The following DMRTB1 variants were observed in gnomAD, a reference collection of about 807,000 sequenced individuals.
DMRTB1 encodes doublesex- and mab-3-related transcription factor B1.
A neutral mutation model predicts 25.2 loss-of-function variants in DMRTB1; 9 were observed. The observed-to-expected ratio is 0.36, with a 90% CI of 0.22 to 0.62. The LOEUF (loss-of-function observed/expected upper bound fraction) is 0.62, where lower values mean the gene tolerates loss of function less well. Among genes scored for constraint, DMRTB1 ranks in the 20% least tolerant of loss-of-function variants. The pLI is 0.71. For synonymous variants in DMRTB1, 269 were observed against 238.1 expected, an observed-to-expected ratio of 1.13 and a Z score of -1.20; for missense variants, 551 against 499.3, an observed-to-expected ratio of 1.10 and a Z score of -0.99.
chr1:53,459,831 C>A lies in DMRTB1; in HGVS notation c.378C>A (p.Gly126=). 6.8e-7 allele frequency: 1 copy of A among 1,470,310 alleles called. No homozygotes were observed. Among genetic ancestry groups the A allele is most frequent in the Non-Finnish European group, 8.9e-7 (1 of 1,119,300 alleles). 91.1% of individuals were successfully genotyped at this position (1,470,310 alleles called of 1,614,324 possible). The stretch of plus-strand genomic sequence containing the variant: ...GCTTCTTCGAGCAGCCCCCGCGGGG[C>A]CGGAACCCCGGCCCGAGAGCCCTCC... ...AACFFEQPPR[G]RNPGPRALQP... The change falls in exon 1 of 4, where the codon GGC becomes GGA. Residue 126 remains glycine (G), a synonymous_variant. Transcript: ENST00000371445.
Position 53,459,436 on chromosome 1 carries a change from C to T in DMRTB1, c.-18C>T. ...GCTCCCAGAGGTGGTGGTTGTGTTA[C>T]GAAGGCTGACCCTGCCAATGGCCGA... On this transcript the variant is annotated 5_prime_UTR_variant, in exon 1 of 4. The change creates a new upstream start codon in the 5' untranslated region. Transcript: ENST00000371445. 7 of 1,612,802 alleles carry T rather than the reference C, an allele frequency of 4.3e-6. No homozygotes were observed. The highest frequency in any genetic ancestry group is 5.1e-6 in the Non-Finnish European group (6 of 1,179,942).
In DMRTB1 at chr1:53,461,579, T is replaced by C. The variant is rs368732858; in HGVS notation, c.684T>C (p.Pro228=). 1.1e-5 allele frequency: 18 copies of C among 1,611,102 alleles called. No homozygotes were observed. The African/African-American group carries it at 2.3e-4, about 20-fold the overall frequency. ...TCCCGCTGGGCTACCTGGACGCCCC[T>C]CCTGGCGTCCCCCTGCAGCAGGGCT... ...CPFPLGYLDA[P]PGVPLQQGFR... is the part of the protein sequence containing the mutation. Residue 228 remains proline, a synonymous_variant, in exon 2 of 4, where the codon CCT becomes CCC. Transcript: ENST00000371445.
chr1:53,460,070 T>TGGCAGCCCAG, intron 1 of DMRTB1, 40 bp downstream of exon 1: 2 of 1,517,720 alleles, frequency 1.3e-6, no homozygotes, highest in Non-Finnish European at 1.8e-6. Context: ...CTCCCGGAGC[T>TGGCAGCCCAG]GGCAGCCCAG....
In DMRTB1 at chr1:53,466,782, G is replaced by A; in HGVS notation, c.*120G>A. 1.0e-6 allele frequency: 1 copy of A among 988,548 alleles called. No homozygotes were observed. Among genetic ancestry groups the A allele is most frequent in the Non-Finnish European group, 1.6e-6 (1 of 636,484 alleles). The allele number at this position is 988,548 out of a possible 1,614,324, so 61.2% of individuals were successfully genotyped here. ...GAGGTTGATAGCATAGATGGCAACTGATTCCCAGTTTAAGATAGGAGGAAG... is the reference window on the plus strand; with the variant it reads ...GAGGTTGATAGCATAGATGGCAACTAATTCCCAGTTTAAGATAGGAGGAAG... On this transcript the variant is annotated 3_prime_UTR_variant, in exon 4 of 4. Coordinates refer to ENST00000371445, the MANE Select transcript of DMRTB1 (RefSeq NM_033067.3).
intron 2 of DMRTB1, among the ~76,000 whole-genome samples, chr1:53,464,219 CA>C (rs1218795005): frequency 2.0e-5 from 3 of 152,180 alleles, no homozygotes; most frequent in African/African-American, 7.2e-5. Flanking sequence ...GCTATGGAGT[CA>C]GCCAACTTGG....
rs1453823079 is a variant in DMRTB1 at position 53,459,775 on chromosome 1, G to A, written c.322G>A (p.Asp108Asn). The change falls in exon 1 of 4, where the codon GAC (aspartate) becomes AAC (asparagine). Residue 108 changes from aspartate to asparagine, a missense_variant. Transcript: ENST00000371445. ...CCCGGGGACTCCCTCCGGAGACGCC[G>A]ACCCGGGACCCGAGGGCCGCGCGGC... is the stretch of plus-strand genomic sequence containing the variant. ...LSPGTPSGDA[D>N]PGPEGRAAAC... 6 of 1,378,962 alleles carry A rather than the reference G, an allele frequency of 4.4e-6. No individual in the cohort carries two copies. The highest frequency in any genetic ancestry group is 3.1e-5 in the African/African-American group (2 of 64,508). The allele number at this position is 1,378,962 out of a possible 1,614,324, so 85.4% of individuals were successfully genotyped here.
In DMRTB1 at chr1:53,459,861, G is replaced by T; in HGVS notation, c.408G>T (p.Pro136=). 1 of 1,499,328 alleles carries T rather than the reference G, an allele frequency of 6.7e-7. No homozygotes were observed. The highest frequency in any genetic ancestry group is 8.8e-7 in the Non-Finnish European group (1 of 1,133,042). 92.9% of individuals were successfully genotyped at this position (1,499,328 alleles called of 1,614,324 possible). A position where few individuals can be genotyped will look rare whatever the true frequency, so the allele number is the denominator to read the frequency against. Residue 136 remains proline (P), a synonymous_variant, in exon 1 of 4, where the codon CCG becomes CCT. Coordinates refer to ENST00000371445, the MANE Select transcript of DMRTB1 (RefSeq NM_033067.3). ...ACCCCGGCCCGAGAGCCCTCCAGCC[G>T]GTTCTGGGCGGCCGCAGCCACGTGG... ...GRNPGPRALQ[P]VLGGRSHVEP...
intron 2 of DMRTB1, 88 bp from the exon 3 acceptor site, chr1:53,464,549 C>T (rs1644039668): frequency 6.2e-7 from 1 of 1,601,716 alleles, no homozygotes. Flanking sequence ...ATCAGGAGCC[C>T]CCCACTTCAG....
At position 53,459,828 on chromosome 1, in the gene DMRTB1, G is replaced by C; in HGVS notation, c.375G>C (p.Arg125=). The C allele has an allele frequency of 1.4e-6, 2 of 1,466,396 alleles. No homozygotes were observed. The highest frequency in any genetic ancestry group is 1.8e-6 in the Non-Finnish European group (2 of 1,117,542). 90.8% of individuals were successfully genotyped at this position (1,466,396 alleles called of 1,614,324 possible). A position where few individuals can be genotyped will look rare whatever the true frequency, so the allele number is the denominator to read the frequency against. Residue 125 remains arginine (R), a synonymous_variant, in exon 1 of 4, where the codon CGG becomes CGC. Transcript: ENST00000371445. The stretch of plus-strand genomic sequence containing the variant: ...CTTGCTTCTTCGAGCAGCCCCCGCG[G>C]GGCCGGAACCCCGGCCCGAGAGCCC... The part of the protein sequence containing the change: ...AAACFFEQPP[R]GRNPGPRALQ...
chr1:53,466,237 C>T (rs2100640366), intron 3 of DMRTB1, among the ~76,000 whole-genome samples: 1 of 152,294 alleles, frequency 6.6e-6, no homozygotes, highest in East Asian at 1.9e-4. Flanking sequence ...CACCTGTGAT[C>T]CCAGCACTTT....
chr1:53,460,216 A>T, intron 1 of DMRTB1, 186 bp downstream of exon 1: 2 of 808,518 alleles, frequency 2.5e-6, no homozygotes, highest in South Asian at 4.0e-5. Flanking sequence ...AAAGGAAACG[A>T]GAAACAGAAA....
At chr1:53,463,439 A>G (rs913972606) in intron 2 of DMRTB1, among the ~76,000 whole-genome samples, 1 of 152,212 alleles carries the variant, frequency 6.6e-6, no homozygotes, top group Admixed American at 6.5e-5. Flanking sequence ...ACCTCTGAGG[A>G]CCTCACTCGG....
intron 3 of DMRTB1, among the ~76,000 whole-genome samples, chr1:53,466,391 C>T (rs1288636): frequency 0.091 from 13,775 of 151,956 alleles, 1,211 homozygotes; most frequent in African/African-American, 0.23. Flanking sequence ...CTCAGGAGGC[C>T]GAGGCAGGAG....
In DMRTB1 at chr1:53,459,832, C is replaced by G. The variant is rs1342329875; in HGVS notation, c.379C>G (p.Arg127Gly). The part of the protein sequence containing the change: ...ACFFEQPPRG[R>G]NPGPRALQPV... ...CTTCTTCGAGCAGCCCCCGCGGGGC[C>G]GGAACCCCGGCCCGAGAGCCCTCCA... The change falls in exon 1 of 4, where the codon CGG becomes GGG. Residue 127 changes from arginine to glycine, a missense_variant. Coordinates refer to ENST00000371445, the MANE Select transcript of DMRTB1 (RefSeq NM_033067.3). 6.8e-7 allele frequency: 1 copy of G among 1,471,522 alleles called. No individual in the cohort carries two copies. Among genetic ancestry groups the G allele is most frequent in the Non-Finnish European group, 8.9e-7 (1 of 1,120,002 alleles). The allele number at this position is 1,471,522 out of a possible 1,614,324, so 91.2% of individuals were successfully genotyped here.
In DMRTB1 at chr1:53,459,549, G is replaced by C. The variant is rs1437639162; in HGVS notation, c.96G>C (p.Trp32Cys). The C allele has an allele frequency of 6.2e-7, 1 of 1,612,386 alleles. No individual in the cohort carries two copies. Among genetic ancestry groups the C allele is most frequent in the South Asian group, 1.1e-5 (1 of 90,924 alleles). The stretch of plus-strand genomic sequence containing the variant: ...AGGGACACGCGGGCAAATGCCGCTG[G>C]AAGCAGTGCCTCTGCGAGAAGTGCT... ...PVKGHAGKCR[W>C]KQCLCEKCYL... Residue 32 changes from tryptophan (W) to cysteine (C), a missense_variant, in exon 1 of 4, where the codon TGG becomes TGC. Trp to Cys is a radical substitution (Grantham distance 215). Coordinates refer to ENST00000371445, the MANE Select transcript of DMRTB1 (RefSeq NM_033067.3).
Position 53,464,798 on chromosome 1 carries a change from A to G in DMRTB1, c.912A>G (p.Pro304=), listed in dbSNP as rs777039064. 1 of 1,608,590 alleles carries G rather than the reference A, an allele frequency of 6.2e-7. No individual in the cohort carries two copies. Among genetic ancestry groups the G allele is most frequent in the Non-Finnish European group, 8.5e-7 (1 of 1,175,918 alleles). Residue 304 remains proline, a synonymous_variant, in exon 3 of 4, where the codon CCA becomes CCG. Coordinates refer to ENST00000371445, the MANE Select transcript of DMRTB1 (RefSeq NM_033067.3). ...CCCCGCCACCGCCACCACCACCTCC[A>G]TCATCTTTCTCACTGACCGTCCTGT... The part of the protein sequence containing the change: ...FLPPPPPPPP[P]SSFSLTVLFD...
chr1:53,461,648 G>C lies in DMRTB1; in HGVS notation c.750+3G>C. 1 of 1,577,942 alleles carries C rather than the reference G, an allele frequency of 6.3e-7. No individual in the cohort carries two copies. Among genetic ancestry groups the C allele is most frequent in the Non-Finnish European group, 8.6e-7 (1 of 1,162,846 alleles). ...GCCAGTACCAAGGCGGAGGCTTGGT[G>C]AGTCCCACCCCTCACTTCTTGCCAG... On this transcript the variant is annotated splice_donor_region_variant and intron_variant, in intron 2 of 3. Coordinates refer to ENST00000371445, the MANE Select transcript of DMRTB1 (RefSeq NM_033067.3).
In DMRTB1 at chr1:53,459,833, GGAACCCCGGCCC is replaced by G. The variant is rs776514846; in HGVS notation, c.383_394del (p.Asn128_Pro131del). The G allele has an allele frequency of 1.7e-5, 25 of 1,471,376 alleles. No individual in the cohort carries two copies. The East Asian group carries it at 7.1e-4, about 42-fold the overall frequency. The allele number at this position is 1,471,376 out of a possible 1,614,324, so 91.1% of individuals were successfully genotyped here. A position where few individuals can be genotyped will look rare whatever the true frequency, so the allele number is the denominator to read the frequency against. ...TTCTTCGAGCAGCCCCCGCGGGGCC[GGAACCCCGGCCC>G]GAGAGCCCTCCAGCCGGTTCTGGGC... On this transcript the variant is annotated inframe_deletion, in exon 1 of 4. Coordinates refer to ENST00000371445, the MANE Select transcript of DMRTB1 (RefSeq NM_033067.3).
In DMRTB1 at chr1:53,459,633, C is replaced by G. The variant is rs773286484; in HGVS notation, c.180C>G (p.Ala60=). ...MAAQKVLKTQ[A]AEEEQEAALC... ...CGCAGAAGGTGCTCAAGACGCAGGC[C>G]GCCGAGGAGGAGCAGGAGGCGGCCC... The change falls in exon 1 of 4, where the codon GCC becomes GCG. Residue 60 remains alanine (A), a synonymous_variant. Coordinates refer to ENST00000371445, the MANE Select transcript of DMRTB1 (RefSeq NM_033067.3). 7.0e-6 allele frequency: 11 copies of G among 1,563,990 alleles called. No homozygotes were observed. The East Asian group carries it at 1.2e-4, about 17-fold the overall frequency.
Sources: allele counts gnomAD v4.1 joint callset (sites outside exome capture counted in the v4.1 genomes callset), GRCh38; gene constraint gnomAD v4.1.1; transcripts MANE v1.5; gene names NCBI Gene and HGNC (gene_info 2026-07-23, HGNC 2026-07-21).